Variants in ZFPM2 observed in about 807,000 individuals in gnomAD.
ZFPM2 encodes zinc finger protein ZFPM2.
In ZFPM2, 20 loss-of-function variants were observed where a neutral mutation model predicts 98.6. The ratio of observed to expected loss-of-function variants is 0.20; its 90% CI spans 0.14 to 0.29. The LOEUF is 0.29. Ranked by LOEUF, ZFPM2 falls within the 10% of genes least tolerant of loss-of-function variation. The pLI is 1.00. For synonymous variants in ZFPM2, 518 were observed against 502.7 expected (o/e 1.03, Z -0.41); for missense variants, 1,310 against 1,388.6 (o/e 0.94, Z 0.90).
At chr8:105,773,989 A>G (rs1201202805) in intron 5 of ZFPM2, among the ~76,000 whole-genome samples, 1 of 152,212 alleles carries the variant, frequency 6.6e-6, no homozygotes, top group Non-Finnish European at 1.5e-5. Context: ...TCTAGAAAGA[A>G]TTAGACTTCA....
At chr8:105,772,250 G>A (rs972483005) in intron 5 of ZFPM2, among the ~76,000 whole-genome samples, 5 of 152,124 alleles carry the variant, frequency 3.3e-5, no homozygotes, top group African/African-American at 1.2e-4. Flanking sequence ...TAATATGCAA[G>A]GCAGAGTTAA....
chr8:105,442,072 G>A (rs1012834449), intron 2 of ZFPM2, among the ~76,000 whole-genome samples: 6 of 151,882 alleles, frequency 4.0e-5, no homozygotes, highest in East Asian at 1.9e-4. Context: ...GGTGGCTCAC[G>A]CCTGTAATCC....
chr8:105,680,531 T>G (rs1810577904), intron 5 of ZFPM2, among the ~76,000 whole-genome samples: 1 of 152,200 alleles, frequency 6.6e-6, no homozygotes, highest in African/African-American at 2.4e-5. Context: ...CATTATCTGC[T>G]TTCTAATTCA....
At chr8:105,487,109 G>C (rs1469782752) in intron 3 of ZFPM2, among the ~76,000 whole-genome samples, 1 of 151,988 alleles carries the variant, frequency 6.6e-6, no homozygotes, top group Non-Finnish European at 1.5e-5. Flanking sequence ...TATGTAGTGT[G>C]TTATATTATA....
At chr8:105,627,189 C>T (rs922664525) in intron 4 of ZFPM2, among the ~76,000 whole-genome samples, 6 of 152,128 alleles carry the variant, frequency 3.9e-5, no homozygotes, top group East Asian at 1.9e-4. Context: ...CCTCCTTTGT[C>T]GGTCCAGTAA....
chr8:105,377,607 C>CAAAAA lies in ZFPM2; in HGVS notation c.41-41515_41-41511dup, dbSNP rs36124912. Among the ~76,000 whole-genome samples, 55 of 63,874 alleles carry CAAAAA rather than the reference C, an allele frequency of 8.6e-4. 26 individuals carry two copies. Among genetic ancestry groups the CAAAAA allele is most frequent in the Admixed American group, 1.7e-3 (7 of 4,078 alleles). 41.9% of individuals were successfully genotyped at this position (63,874 alleles called of 152,430 possible). On this transcript the variant is annotated intron_variant, in intron 1 of 7. Transcript: ENST00000407775. ...CAAAACCCCGTTTTTCTTAAAAATC[C>CAAAAA]AAAAAAAAAAAAAAAAAAAAAAAAA...
chr8:105,379,776 A>G (rs760978743), intron 1 of ZFPM2, among the ~76,000 whole-genome samples: 2 of 151,252 alleles, frequency 1.3e-5, no homozygotes, highest in Non-Finnish European at 2.9e-5. Context: ...AAAAAAGTTT[A>G]CATTGACTGT....
chr8:105,486,476 C>T (rs1255328871), intron 3 of ZFPM2, among the ~76,000 whole-genome samples: 1 of 151,770 alleles, frequency 6.6e-6, no homozygotes, highest in Non-Finnish European at 1.5e-5. Flanking sequence ...ATGTTTTTGC[C>T]CTTGGAAGAT....
chr8:105,609,809 C>T (rs528796009), intron 4 of ZFPM2, among the ~76,000 whole-genome samples: 2 of 152,200 alleles, frequency 1.3e-5, no homozygotes, highest in South Asian at 4.1e-4. Flanking sequence ...CACATCATTT[C>T]CTGAGTGAAA....
At chr8:105,661,132 G>T (rs531594710) in intron 5 of ZFPM2, among the ~76,000 whole-genome samples, 3 of 152,100 alleles carry the variant, frequency 2.0e-5, no homozygotes, top group Non-Finnish European at 4.4e-5. Flanking sequence ...TTGACAAAAA[G>T]AGTTTTAGTC....
chr8:105,801,002 C>T lies in ZFPM2; in HGVS notation c.965-45C>T, dbSNP rs1039898104. ...GAAAAGGTCCCTGTCATTCAAAAAC[C>T]AACACACATGTTTCTCATTGTTCTT... On this transcript the variant is annotated intron_variant, in intron 7 of 7. Transcript: ENST00000407775. 11 of 1,547,032 alleles carry T rather than the reference C, an allele frequency of 7.1e-6. No homozygotes were observed. In the African/African-American group the frequency reaches 1.2e-4, roughly 17 times the overall value.
rs541882137 is a variant in ZFPM2, at chr8:105,553,291, A to T, written c.302-8072A>T. Among the ~76,000 whole-genome samples the T allele has an allele frequency of 2.0e-5, 3 of 152,316 alleles. No homozygotes were observed. In the South Asian group the frequency reaches 6.2e-4, roughly 32 times the overall value. ...GAATAAATCCTTAAGACCAGCCAGA[A>T]TAATAAGGTAAAAGGTTCCTGAGTT... On this transcript the variant is annotated intron_variant, in intron 3 of 7. Transcript: ENST00000407775.
chr8:105,324,093 ATTAAG>A (rs1213821506), intron 1 of ZFPM2, among the ~76,000 whole-genome samples: 13 of 151,842 alleles, frequency 8.6e-5, no homozygotes, highest in Non-Finnish European at 1.8e-4. Context: ...AGTTGGTATT[ATTAAG>A]TTAGGAAGGA....
intron 3 of ZFPM2, among the ~76,000 whole-genome samples, chr8:105,451,099 C>G (rs1812476230): frequency 6.6e-6 from 1 of 152,054 alleles, no homozygotes; most frequent in South Asian, 2.1e-4. Flanking sequence ...ACTTCTTCAG[C>G]TGTGTAAGAA....
intron 1 of ZFPM2, chr8:105,418,588 T>A (rs750525421): frequency 1.9e-6 from 1 of 518,584 alleles, no homozygotes; most frequent in Non-Finnish European, 3.8e-6. Flanking sequence ...GGGTTATGCT[T>A]TCATCAGGGA....
chr8:105,748,364 G>A (rs1812397629), intron 5 of ZFPM2, among the ~76,000 whole-genome samples: 1 of 152,014 alleles, frequency 6.6e-6, no homozygotes, highest in Admixed American at 6.6e-5. Context: ...ACATATTGAG[G>A]CTGTTAATTA....
intron 3 of ZFPM2, among the ~76,000 whole-genome samples, chr8:105,528,481 C>T (rs1311712603): frequency 2.0e-5 from 3 of 152,026 alleles, no homozygotes; most frequent in Admixed American, 6.6e-5. Flanking sequence ...ATGAATGTTG[C>T]CATACATATT....
intron 3 of ZFPM2, among the ~76,000 whole-genome samples, chr8:105,466,906 A>G (rs1243093245): frequency 6.6e-6 from 1 of 152,098 alleles, no homozygotes; most frequent in Non-Finnish European, 1.5e-5. Context: ...TTCTATTCAG[A>G]TAAAACTAGT....
chr8:105,759,757 C>A (rs1275793582), intron 5 of ZFPM2, among the ~76,000 whole-genome samples: 3 of 151,910 alleles, frequency 2.0e-5, no homozygotes, highest in Admixed American at 6.6e-5. Context: ...GCCATGAATT[C>A]TTTTCATTCA....
Sources: allele counts gnomAD v4.1 joint callset (sites outside exome capture counted in the v4.1 genomes callset), GRCh38; gene constraint gnomAD v4.1.1; transcripts MANE v1.5; gene names NCBI Gene and HGNC (gene_info 2026-07-23, HGNC 2026-07-21).